Variants in DOCK8 observed in about 807,000 individuals in gnomAD.
DOCK8 encodes dedicator of cytokinesis 8.
DOCK8 carries 141 observed loss-of-function variants against 245.6 expected under a neutral mutation model. That is an observed-to-expected ratio of 0.57 (90% confidence interval 0.50 to 0.66). The LOEUF is 0.66. Ranked by LOEUF, DOCK8 falls within the 30% of genes least tolerant of loss-of-function variation. The probability of loss-of-function intolerance (pLI) is 0.00; values close to 1 mark genes in which losing one functional copy is unlikely to be tolerated. For missense variants in DOCK8, 2,965 were observed against 2,603.4 expected (o/e 1.14, Z -3.02); for synonymous variants, 1,168 against 970.2 (o/e 1.20, Z -3.79).
intron 30 of DOCK8, among the ~76,000 whole-genome samples, chr9:418,624 G>A (rs534719597): frequency 3.3e-4 from 50 of 152,236 alleles, no homozygotes; most frequent in Non-Finnish European, 5.4e-4. Flanking sequence ...GATTATTTCC[G>A]CCTCATTTTG....
intron 1 of DOCK8, among the ~76,000 whole-genome samples, chr9:219,332 G>A (rs1196651187): frequency 6.6e-6 from 1 of 152,064 alleles, no homozygotes; most frequent in Non-Finnish European, 1.5e-5. Flanking sequence ...TTAGCCAGGT[G>A]TAGTGGTGTG....
chr9:309,864 C>T (rs1307388592), intron 5 of DOCK8, among the ~76,000 whole-genome samples: 2 of 152,200 alleles, frequency 1.3e-5, no homozygotes, highest in African/African-American at 2.4e-5. Context: ...GAGATTAAGA[C>T]AGGGTCTCTT....
intron 24 of DOCK8, among the ~76,000 whole-genome samples, chr9:393,085 C>CAAAAAA (rs1159933739): frequency 6.6e-3 from 292 of 44,528 alleles, no homozygotes; most frequent in East Asian, 0.014. Context: ...GACCCTGTCT[C>CAAAAAA]AAAAAAAAAA....
chr9:389,516 T>C (rs148701736), intron 23 of DOCK8, among the ~76,000 whole-genome samples: 4 of 152,136 alleles, frequency 2.6e-5, no homozygotes, highest in African/African-American at 9.7e-5. Context: ...ATGGGCATTA[T>C]AAAAACAAAA....
intron 14 of DOCK8, among the ~76,000 whole-genome samples, chr9:363,500 A>G (rs574004274): frequency 9.8e-5 from 15 of 152,320 alleles, no homozygotes; most frequent in African/African-American, 3.6e-4. Flanking sequence ...AGGAAACGTT[A>G]TTATTCTCTT....
At position 317,110 on chromosome 9, in the gene DOCK8, T is replaced by A; in HGVS notation, c.809T>A (p.Val270Asp). The change falls in exon 7 of 48, where the codon GTC (valine) becomes GAC (aspartate). Residue 270 changes from valine (V) to aspartate (D), a missense_variant. Transcript: ENST00000432829. ...GAACACCTGGGCAACAGAATATTGG[T>A]CAAGTTGCTGACCTTGAAGTAAGTA... ...PKEHLGNRIL[V>D]KLLTLKFEIE... 1 of 1,613,832 alleles carries A rather than the reference T, an allele frequency of 6.2e-7. No individual in the cohort carries two copies. The highest frequency in any genetic ancestry group is 8.5e-7 in the Non-Finnish European group (1 of 1,179,714).
intron 28 of DOCK8, among the ~76,000 whole-genome samples, chr9:411,182 G>T (rs1260040507): frequency 2.0e-5 from 3 of 152,168 alleles, no homozygotes; most frequent in African/African-American, 7.2e-5. Context: ...GGTGGCCAAG[G>T]CGAGTGGATC....
chr9:214,424 A>T (rs2046682922), upstream of DOCK8: 1 of 1,398,412 alleles, frequency 7.2e-7, no homozygotes, highest in South Asian at 1.3e-5. Flanking sequence ...GTTGATTTGA[A>T]TCCTGATAGA....
At chr9:272,956 G>C in intron 2 of DOCK8, 1 of 792,074 alleles carries the variant, frequency 1.3e-6, no homozygotes, top group South Asian at 5.7e-5. Context: ...TTATCTTGAA[G>C]AGGTTAGGTT....
At chr9:281,122 C>T (rs997650487) in intron 2 of DOCK8, among the ~76,000 whole-genome samples, 5 of 152,082 alleles carry the variant, frequency 3.3e-5, no homozygotes, top group East Asian at 1.9e-4. Context: ...GGCGTGGTGG[C>T]GCATGCCTGT....
chr9:385,724 A>G (rs995638699), intron 22 of DOCK8, among the ~76,000 whole-genome samples: 6 of 152,224 alleles, frequency 3.9e-5, no homozygotes, highest in African/African-American at 1.4e-4. Context: ...ACTCAGCCTC[A>G]TATTGAAAGC....
intron 1 of DOCK8, among the ~76,000 whole-genome samples, chr9:255,915 C>G (rs62531332): frequency 0.044 from 6,761 of 152,018 alleles, 191 homozygotes; most frequent in South Asian, 0.068. Context: ...TTTAAAATAC[C>G]TGCTTGATCC....
intron 33 of DOCK8, 76 bp from the exon 34 acceptor site, chr9:426,809 T>G (rs369788146): frequency 8.9e-7 from 1 of 1,124,334 alleles, no homozygotes; most frequent in Non-Finnish European, 1.4e-6. Context: ...CTTTACACCT[T>G]GGTGTATAGA....
At position 238,022 on chromosome 9, in the gene DOCK8, A is replaced by T. The variant is rs116133716; in HGVS notation, c.53+22993A>T. 5.8e-3 allele frequency among the ~76,000 whole-genome samples: 886 copies of T among 152,244 alleles called. 9 individuals are homozygous for T. Among genetic ancestry groups the T allele is most frequent in the African/African-American group, 0.02 (841 of 41,532 alleles). ...CTCTGTAGAGGAGGATTTATAGGAG[A>T]AGATGAGTCACGTTACTTTTTGTGA... is the stretch of plus-strand genomic sequence containing the variant. On this transcript the variant is annotated intron_variant, in intron 1 of 47. Coordinates refer to ENST00000432829, the MANE Select transcript of DOCK8 (RefSeq NM_203447.4).
rs777525499 is a variant in DOCK8, at chr9:404,985, G to C, written c.3302G>C (p.Cys1101Ser). 6 of 1,613,914 alleles carry C rather than the reference G, an allele frequency of 3.7e-6. No homozygotes were observed. Among genetic ancestry groups the C allele is most frequent in the Non-Finnish European group, 5.1e-6 (6 of 1,179,940 alleles). Residue 1101 changes from cysteine to serine, a missense_variant, in exon 27 of 48, where the codon TGT (cysteine) becomes TCT (serine). Transcript: ENST00000432829. ...AGGCTAGAGTTCCTGAGAATCCTCT[G>C]TAGCCATGAGCATTACCTCAATCTG... Reference protein sequence around the residue: ...SMRLEFLRILCSHEHYLNLNL... With the variant: ...SMRLEFLRILSSHEHYLNLNL...
At chr9:406,353 G>GT (rs1378702149) in intron 27 of DOCK8, among the ~76,000 whole-genome samples, 1 of 152,078 alleles carries the variant, frequency 6.6e-6, no homozygotes, top group Non-Finnish European at 1.5e-5. Flanking sequence ...ATCAGGTGTG[G>GT]TAGTGTGACT....
rs538578951 is a variant in DOCK8 at position 235,451 on chromosome 9, G to T, written c.53+20422G>T. Reference sequence around the variant, plus strand: ...TCAGAGAGGGACATTTAAGTCTGCAGAGGTAACTGCTGTCTTTTTGTTTGT... The same window carrying T: ...TCAGAGAGGGACATTTAAGTCTGCATAGGTAACTGCTGTCTTTTTGTTTGT... On this transcript the variant is annotated intron_variant, in intron 1 of 47. Transcript: ENST00000432829. 6.6e-5 allele frequency among the ~76,000 whole-genome samples: 10 copies of T among 152,340 alleles called. No homozygotes were observed. In the East Asian group the frequency reaches 1.9e-3, roughly 29 times the overall value.
intron 1 of DOCK8, among the ~76,000 whole-genome samples, chr9:251,382 A>C (rs1478291254): frequency 6.6e-6 from 1 of 152,214 alleles, no homozygotes; most frequent in Non-Finnish European, 1.5e-5. Context: ...TTCCAGGACT[A>C]CTTATCCATG....
chr9:313,888 T>A lies in DOCK8; in HGVS notation c.741+1722T>A, dbSNP rs191465345. On this transcript the variant is annotated intron_variant, in intron 6 of 47. Coordinates refer to ENST00000432829, the MANE Select transcript of DOCK8 (RefSeq NM_203447.4). ...AATCTTTATACGATGTATACATAGA[T>A]CAAAACATGACACTGTACCCCATAG... Among the ~76,000 whole-genome samples, 55 of 152,288 alleles carry A rather than the reference T, an allele frequency of 3.6e-4. No individual in the cohort carries two copies. In the East Asian group the frequency reaches 9.6e-3, roughly 27 times the overall value.
Sources: gnomAD v4.1 joint callset for allele counts (sites outside exome capture counted in the v4.1 genomes callset) on GRCh38, gnomAD v4.1.1 for gene constraint, MANE v1.5 for transcripts, NCBI Gene and HGNC (gene_info 2026-07-23, HGNC 2026-07-21) for gene names.